The following ADPRHL1 variants were observed in gnomAD, a reference collection of about 807,000 sequenced individuals.
ADPRHL1 encodes the protein inactive ADP-ribosyltransferase ARH2.
ADPRHL1 carries 43 observed loss-of-function variants against 44.1 expected under a neutral mutation model. The ratio of observed to expected loss-of-function variants is 0.98; its 90% CI spans 0.76 to 1.26. The LOEUF is 1.26. Ranked by LOEUF, ADPRHL1 falls within the 50% of genes most tolerant of loss-of-function variation. ADPRHL1 has a pLI of 0.00. For missense variants in ADPRHL1, 2,022 were observed against 2,496.9 expected (o/e 0.81, Z 4.05); for synonymous variants, 878 against 1,017.4 (o/e 0.86, Z 2.61).
intron 4 of ADPRHL1, among the ~76,000 whole-genome samples, chr13:113,427,713 A>G (rs2043977181): frequency 6.6e-6 from 1 of 152,226 alleles, no homozygotes; most frequent in South Asian, 2.1e-4. Context: ...TGTGCTCAGC[A>G]GTCACGCTTC....
intron 2 of ADPRHL1, among the ~76,000 whole-genome samples, chr13:113,443,055 G>A (rs1020648468): frequency 1.3e-5 from 2 of 152,106 alleles, no homozygotes; most frequent in Non-Finnish European, 2.9e-5. Flanking sequence ...TGCCTTTCAC[G>A]TCTCTACTTA....
At chr13:113,411,331 C>G (rs958656085) in intron 7 of ADPRHL1, among the ~76,000 whole-genome samples, 1 of 152,096 alleles carries the variant, frequency 6.6e-6, no homozygotes, top group Non-Finnish European at 1.5e-5. Context: ...TCCCCACACT[C>G]GGAGCCCCTT....
chr13:113,443,000 T>C (rs1235852516), intron 2 of ADPRHL1, among the ~76,000 whole-genome samples: 4 of 152,204 alleles, frequency 2.6e-5, no homozygotes, highest in African/African-American at 9.7e-5. Context: ...AAATGAGACA[T>C]TATAGTTTTT....
intron 7 of ADPRHL1, among the ~76,000 whole-genome samples, chr13:113,419,424 A>G (rs973150899): frequency 1.5e-4 from 23 of 151,662 alleles, no homozygotes; most frequent in Admixed American, 2.0e-4. Flanking sequence ...ACCTTATTTC[A>G]TAAGAATGTC....
chr13:113,432,585 G>A (rs2044014676), intron 3 of ADPRHL1, among the ~76,000 whole-genome samples: 1 of 152,200 alleles, frequency 6.6e-6, no homozygotes, highest in South Asian at 2.1e-4. Context: ...TAGCAAAGTT[G>A]CCTGTGAGTC....
intron 2 of ADPRHL1, among the ~76,000 whole-genome samples, chr13:113,439,594 C>T (rs1189574630): frequency 2.0e-5 from 3 of 151,676 alleles, no homozygotes; most frequent in African/African-American, 7.3e-5. Context: ...ATTATAGGTG[C>T]CCACCACCAT....
chr13:113,406,515 C>G lies in ADPRHL1; in HGVS notation c.2767G>C (p.Ala923Pro). 4 of 1,232,094 alleles carry G rather than the reference C, an allele frequency of 3.2e-6. No homozygotes were observed. The highest frequency in any genetic ancestry group is 1.5e-5 in the African/African-American group (1 of 64,554). 76.3% of individuals were successfully genotyped at this position (1,232,094 alleles called of 1,614,324 possible). A position where few individuals can be genotyped will look rare whatever the true frequency, so the allele number is the denominator to read the frequency against. ...CCTCTTGCTGCTGCCAGACGCGGAG[C>G]TGCCCGTGGCCCCTGCGGCGAAGAG... ...SASSPQGPRA[A>P]PRLAAARGAV... The change falls in exon 8 of 8, where the codon GCT becomes CCT. Residue 923 changes from alanine (A) to proline (P), a missense_variant. By Grantham distance (27) the Ala-to-Pro change is conservative. Around this residue, in one of 8 missense-constraint regions of ADPRHL1, gnomAD observed 1,221 missense variants for 1,517.8 expected, o/e 0.80. Coordinates refer to ENST00000612156, the MANE Select transcript of ADPRHL1 (RefSeq NM_001394807.1).
chr13:113,409,486 G>A lies in ADPRHL1; in HGVS notation c.1062-1266C>T. On this transcript the variant is annotated intron_variant, in intron 7 of 7. Coordinates refer to ENST00000612156, the MANE Select transcript of ADPRHL1 (RefSeq NM_001394807.1). This position sits in a 1 kb window ranked among gnomAD's most constrained non-coding sequence, Gnocchi z 4.2. ...GAGCATCCTCGATGTCCAACTCCAG[G>A]GCGGCCGCACAATGGCACGTCCACA... 1.0e-6 allele frequency: 1 copy of A among 985,406 alleles called. No homozygotes were observed. The highest frequency in any genetic ancestry group is 1.2e-6 in the Non-Finnish European group (1 of 829,930). The allele number at this position is 985,406 out of a possible 1,614,324, so 61.0% of individuals were successfully genotyped here.
intron 1 of ADPRHL1, among the ~76,000 whole-genome samples, chr13:113,452,833 C>A (rs2044186906): frequency 6.6e-6 from 1 of 152,242 alleles, no homozygotes. Flanking sequence ...AAGGCTTAAT[C>A]TCTGCAGCGA....
intron 3 of ADPRHL1, among the ~76,000 whole-genome samples, chr13:113,431,537 G>A (rs554181727): frequency 2.4e-4 from 36 of 152,334 alleles, no homozygotes; most frequent in Non-Finnish European, 5.1e-4. Context: ...CTGGACTCAT[G>A]GGAGCACGCG....
intron 1 of ADPRHL1, among the ~76,000 whole-genome samples, chr13:113,447,178 C>T (rs1396457040): frequency 6.8e-5 from 9 of 132,328 alleles, no homozygotes; most frequent in Middle Eastern, 5.1e-3. Flanking sequence ...GTTGTGTGTG[C>T]ATGGCGTCTA....
intron 3 of ADPRHL1, among the ~76,000 whole-genome samples, chr13:113,429,509 G>A (rs1463642090): frequency 3.9e-5 from 6 of 152,356 alleles, no homozygotes; most frequent in Admixed American, 6.5e-5. Flanking sequence ...TCCTCTCCGC[G>A]GCTGAATCGC....
intron 1 of ADPRHL1, among the ~76,000 whole-genome samples, chr13:113,446,504 A>G (rs1439153817): frequency 6.6e-6 from 1 of 152,142 alleles, no homozygotes; most frequent in Non-Finnish European, 1.5e-5. Flanking sequence ...GTCTACATGC[A>G]CGGTGTTGTC....
chr13:113,410,129 G>A (rs1408410734), intron 7 of ADPRHL1: 1 of 985,250 alleles, frequency 1.0e-6, no homozygotes, highest in East Asian at 1.1e-4. Context: ...GATGACCCAG[G>A]GCCAGGACGG....
intron 7 of ADPRHL1, among the ~76,000 whole-genome samples, chr13:113,408,491 T>C (rs569733042): frequency 1.5e-4 from 23 of 152,266 alleles, no homozygotes; most frequent in African/African-American, 5.3e-4. Flanking sequence ...CATTGAGGAG[T>C]TGACATTGAA....
chr13:113,425,983 T>C (rs1461094790), intron 4 of ADPRHL1, among the ~76,000 whole-genome samples: 1 of 152,208 alleles, frequency 6.6e-6, no homozygotes, highest in Non-Finnish European at 1.5e-5. Flanking sequence ...GCCCAGCCTT[T>C]AGCTGCTCTG....
chr13:113,439,242 C>T (rs1210204834), intron 2 of ADPRHL1, among the ~76,000 whole-genome samples: 1 of 152,060 alleles, frequency 6.6e-6, no homozygotes, highest in East Asian at 1.9e-4. Flanking sequence ...TGTGCCTCAG[C>T]CTCCTGAATA....
At position 113,404,489 on chromosome 13, in the gene ADPRHL1, T is replaced by C; in HGVS notation, c.4793A>G (p.Lys1598Arg). The C allele has an allele frequency of 7.6e-7, 1 of 1,311,154 alleles. No homozygotes were observed. 81.2% of individuals were successfully genotyped at this position (1,311,154 alleles called of 1,614,324 possible). A position where few individuals can be genotyped will look rare whatever the true frequency, so the allele number is the denominator to read the frequency against. ...TTTCTGAACCTCTCCTTGAACCTGTTTCTGGGCCTGTCCCTGAATCTGCCC... is the reference window on the plus strand; with the variant it reads ...TTTCTGAACCTCTCCTTGAACCTGTCTCTGGGCCTGTCCCTGAATCTGCCC... ...AQGQIQGQAQ[K>R]QVQGEVQKWA... is the part of the protein sequence containing the mutation. The change falls in exon 8 of 8, where the codon AAA becomes AGA. Residue 1598 changes from lysine to arginine, a missense_variant. Physicochemically the swap from Lys to Arg is conservative, Grantham distance 26 (BLOSUM62 2). Coordinates refer to ENST00000612156, the MANE Select transcript of ADPRHL1 (RefSeq NM_001394807.1).
Position 113,431,162 on chromosome 13 carries a change from G to A in ADPRHL1, c.506-2070C>T, listed in dbSNP as rs573239728. On this transcript the variant is annotated intron_variant, in intron 3 of 7. Transcript: ENST00000612156. ...AGAGGCAGGCTCTGCGGTGGGTGCC[G>A]CGTGCGTTCTGACATCCCACTTCTC... Among the ~76,000 whole-genome samples, 191 of 152,338 alleles carry A rather than the reference G, an allele frequency of 1.3e-3. 1 individual carries two copies. The highest frequency in any genetic ancestry group is 4.5e-3 in the African/African-American group (187 of 41,582).
Sources: allele counts gnomAD v4.1 joint callset (sites outside exome capture counted in the v4.1 genomes callset), GRCh38; gene constraint gnomAD v4.1.1; regional missense constraint gnomAD v4.1.1; non-coding constraint Gnocchi (gnomAD v3.1); transcripts MANE v1.5; gene names NCBI Gene and HGNC (gene_info 2026-07-23, HGNC 2026-07-21).